TLR6: variants seen among roughly 807,000 people sequenced by gnomAD.
The protein encoded by TLR6 is toll like receptor 6, also known as toll-like receptor 6.
In TLR6, 9 loss-of-function variants were observed where a neutral mutation model predicts 16.1. That is an observed-to-expected ratio of 0.56 (90% confidence interval 0.34 to 0.98). The LOEUF (loss-of-function observed/expected upper bound fraction) is 0.98. TLR6 is among the 50% of genes least tolerant of loss of function. TLR6 has a pLI of 0.02. For synonymous variants in TLR6, 340 were observed against 338.6 expected (o/e 1.00, Z -0.04); for missense variants, 786 against 921.0 (o/e 0.85, Z 1.90).
At chr4:38,834,664 A>C (rs1711811314) in intron 1 of TLR6, among the ~76,000 whole-genome samples, 1 of 152,200 alleles carries the variant, frequency 6.6e-6, no homozygotes, top group South Asian at 2.1e-4. Context: ...AAGTCAAGTC[A>C]TATAGAAGAG....
chr4:38,850,806 T>A (rs918040058), intron 1 of TLR6, among the ~76,000 whole-genome samples: 182 of 152,088 alleles, frequency 1.2e-3, no homozygotes, highest in African/African-American at 4.3e-3. Context: ...GAGGTACAAC[T>A]AGGAGCTGGT....
intron 1 of TLR6, among the ~76,000 whole-genome samples, chr4:38,855,249 C>A (rs932357349): frequency 6.6e-6 from 1 of 151,478 alleles, no homozygotes. Flanking sequence ...TAGTAAGACT[C>A]TAATTTTGCA....
At chr4:38,853,714 T>A (rs781112254) in intron 1 of TLR6, among the ~76,000 whole-genome samples, 2 of 152,200 alleles carry the variant, frequency 1.3e-5, no homozygotes, top group Non-Finnish European at 1.5e-5. Context: ...TGCCATCCTC[T>A]CACCTCAGCC....
At chr4:38,852,157 T>A (rs2109471139) in intron 1 of TLR6, among the ~76,000 whole-genome samples, 1 of 152,294 alleles carries the variant, frequency 6.6e-6, no homozygotes, top group South Asian at 2.1e-4. Context: ...TAAATGGTGC[T>A]GGGAAAACTG....
chr4:38,862,298 A>G, the TLR6 span, among the ~76,000 whole-genome samples: 4 of 151,140 alleles, frequency 2.6e-5, no homozygotes, highest in Non-Finnish European at 5.9e-5. Context: ...TTTTTATTTT[A>G]GATAAGGTTT....
At chr4:38,856,632 C>T (rs911054875) in intron 1 of TLR6, 129 bp downstream of exon 1, 1 of 152,192 alleles carries the variant, frequency 6.6e-6, no homozygotes, top group African/African-American at 2.4e-5. Context: ...AAAAAAACCA[C>T]TTCAAATCAT....
exon 2 of TLR6, chr4:38,828,894 G>A (rs1464886497): frequency 1.2e-6 from 2 of 1,611,694 alleles, no homozygotes; most frequent in Non-Finnish European, 1.7e-6. Flanking sequence ...TTTGCATTCA[G>A]AATTTGTAGA....
chr4:38,856,105 G>A (rs1402972152), intron 1 of TLR6, among the ~76,000 whole-genome samples: 1 of 152,170 alleles, frequency 6.6e-6, no homozygotes, highest in African/African-American at 2.4e-5. Flanking sequence ...AAGGTGGAAG[G>A]ACCTGGAGGA....
At chr4:38,847,020 A>G (rs2109462049) in intron 1 of TLR6, among the ~76,000 whole-genome samples, 1 of 152,330 alleles carries the variant, frequency 6.6e-6, no homozygotes, top group East Asian at 1.9e-4. Context: ...ATAATGAGTA[A>G]TTAGGATGTT....
chr4:38,847,409 T>A lies in TLR6; in HGVS notation c.-65+9352A>T, dbSNP rs1712574833. The stretch of plus-strand genomic sequence containing the variant: ...ATTTCCAGCTGAGGTACCGGGTTCA[T>A]CTCACTGGGGCCCGTCGGACAGTGG... On this transcript the variant is annotated intron_variant, in intron 1 of 1. Transcript: ENST00000436693. Among the ~76,000 whole-genome samples the A allele has an allele frequency of 3.3e-5, 5 of 152,060 alleles. No homozygotes were observed. In the South Asian group the frequency reaches 1.0e-3, roughly 32 times the overall value.
At chr4:38,863,943 C>T in the TLR6 span, among the ~76,000 whole-genome samples, 7 of 152,312 alleles carry the variant, frequency 4.6e-5, no homozygotes, top group African/African-American at 1.7e-4. Flanking sequence ...CCTCCACTAC[C>T]TCTATGGCCT....
the TLR6 span, among the ~76,000 whole-genome samples, chr4:38,864,531 C>T: frequency 6.6e-6 from 1 of 152,190 alleles, no homozygotes; most frequent in South Asian, 2.1e-4. Context: ...TAAATTGTGG[C>T]ATATTCATGC....
chr4:38,843,675 C>T (rs1460609954), intron 1 of TLR6: 2 of 152,174 alleles, frequency 1.3e-5, no homozygotes, highest in African/African-American at 4.8e-5. Context: ...AGTTGGGGAA[C>T]TTTTATTACT....
At chr4:38,858,840 A>AGAGAGAGG, upstream of TLR6, among the ~76,000 whole-genome samples, 1 of 59,550 alleles carries the variant, frequency 1.7e-5, no homozygotes, top group African/African-American at 6.8e-5. Flanking sequence ...AGGAAGAAAG[A>AGAGAGAGG]AAGAAAGAAA....
chr4:38,827,201 C>G, exon 2 of TLR6: 5 of 1,614,122 alleles, frequency 3.1e-6, no homozygotes, highest in Non-Finnish European at 4.2e-6. Flanking sequence ...CAAATAAGTC[C>G]GCTGCGTCAT....
At chr4:38,867,705 G>GGGGCGGGGCGC in the TLR6 span, 2 of 151,066 alleles carry the variant, frequency 1.3e-5, no homozygotes, top group East Asian at 3.9e-4. Context: ...CGCTCCTCGT[G>GGGGCGGGGCGC]GGGCGGGGCG....
chr4:38,858,832 GAAGAAAGAAAGA>G (rs71190999), upstream of TLR6, among the ~76,000 whole-genome samples: 1,296 of 50,872 alleles, frequency 0.025, 27 homozygotes, highest in Middle Eastern at 0.053. Context: ...AGAGAGAGAG[GAAGAAAGAAAGA>G]AAGAAAGAAA....
At chr4:38,847,466 T>C (rs1712577427) in intron 1 of TLR6, among the ~76,000 whole-genome samples, 1 of 152,024 alleles carries the variant, frequency 6.6e-6, no homozygotes, top group African/African-American at 2.4e-5. Flanking sequence ...TCAATGAGTG[T>C]GAGCCGAAGC....
chr4:38,849,349 G>A (rs992117630), intron 1 of TLR6, among the ~76,000 whole-genome samples: 5 of 152,198 alleles, frequency 3.3e-5, no homozygotes, highest in Non-Finnish European at 5.9e-5. Flanking sequence ...GACCATTGAT[G>A]CTAGGAAGAA....
Sources: gnomAD v4.1 joint callset for allele counts (sites outside exome capture counted in the v4.1 genomes callset) on GRCh38, gnomAD v4.1.1 for gene constraint, MANE v1.5 for transcripts, NCBI Gene and HGNC (gene_info 2026-07-23, HGNC 2026-07-21) for gene names.